The following RAB33A variants were observed in gnomAD, a reference collection of about 807,000 sequenced individuals.
RAB33A encodes RAB33A, member RAS oncogene family, also known as ras-related protein Rab-33A.
Under a neutral mutation model 12.0 loss-of-function variants are expected in RAB33A, and 6 were observed. The ratio of observed to expected loss-of-function variants is 0.50; its 90% CI spans 0.27 to 0.99. The LOEUF (loss-of-function observed/expected upper bound fraction) is 0.99, where lower values mean the gene tolerates loss of function less well. Among genes scored for constraint, RAB33A ranks in the 50% least tolerant of loss-of-function variants. The pLI is 0.11. For missense variants in RAB33A, 109 were observed against 192.0 expected (o/e 0.57, Z 2.55); for synonymous variants, 70 against 82.4 (o/e 0.85, Z 0.81).
At chrX:130,130,998 C>G in the RAB33A span, among the ~76,000 whole-genome samples, 9 of 112,573 alleles carry the variant, frequency 8.0e-5, no homozygotes, top group African/African-American at 2.9e-4. Context: ...GTCTTGCTTT[C>G]TCCTTCTTAA....
intron 1 of RAB33A, among the ~76,000 whole-genome samples, chrX:130,176,595 G>C (rs181451969): frequency 1.2e-4 from 14 of 112,479 alleles, no homozygotes; most frequent in Non-Finnish European, 2.3e-4. Context: ...CCTGCAGTCA[G>C]AATGACATCA....
chrX:130,153,597 T>C, the RAB33A span, among the ~76,000 whole-genome samples: 1 of 110,982 alleles, frequency 9.0e-6, no homozygotes, highest in African/African-American at 3.3e-5. Flanking sequence ...CAATGGGGCA[T>C]TGGGGAGGTG....
the RAB33A span, among the ~76,000 whole-genome samples, chrX:130,124,495 C>T: frequency 1.7e-4 from 19 of 111,758 alleles, no homozygotes; most frequent in African/African-American, 5.9e-4. Context: ...TGGGCTTTCC[C>T]CAACCGAAAC....
chrX:130,153,240 C>T, the RAB33A span, among the ~76,000 whole-genome samples: 1 of 103,187 alleles, frequency 9.7e-6, no homozygotes, highest in Non-Finnish European at 2.0e-5. Context: ...GTCCCAGCTA[C>T]TCCTCGGGAG....
chrX:130,159,658 CTAAA>C, the RAB33A span, among the ~76,000 whole-genome samples: 1 of 109,238 alleles, frequency 9.2e-6, no homozygotes, highest in Non-Finnish European at 1.9e-5. Flanking sequence ...CCAGAAGACC[CTAAA>C]TACAGACATT....
At chrX:130,163,171 G>A in the RAB33A span, among the ~76,000 whole-genome samples, 2 of 109,995 alleles carry the variant, frequency 1.8e-5, no homozygotes, top group African/African-American at 6.6e-5. Flanking sequence ...TTAGCCCGGC[G>A]TGGTGGTGCA....
chrX:130,121,241 T>C, the RAB33A span, among the ~76,000 whole-genome samples: 1 of 108,309 alleles, frequency 9.2e-6, no homozygotes, highest in Non-Finnish European at 1.9e-5. Context: ...TTCTTTTTTT[T>C]CTTTTCTTTT....
At chrX:130,158,594 G>T in the RAB33A span, among the ~76,000 whole-genome samples, 1 of 108,268 alleles carries the variant, frequency 9.2e-6, no homozygotes, top group African/African-American at 3.4e-5. Context: ...AGAACCATCT[G>T]TCTAGAGCAG....
the RAB33A span, chrX:130,129,529 G>A: frequency 2.5e-6 from 3 of 1,193,284 alleles, no homozygotes; most frequent in South Asian, 1.8e-5. Context: ...AGGGGCTGCA[G>A]TGGGTTTGCC....
At chrX:130,135,103 T>C in the RAB33A span, among the ~76,000 whole-genome samples, 1 of 106,709 alleles carries the variant, frequency 9.4e-6, no homozygotes, top group African/African-American at 3.4e-5. Flanking sequence ...TTTTTGAGAC[T>C]GAGTCTTGCT....
chrX:130,134,078 A>C, the RAB33A span, among the ~76,000 whole-genome samples: 1 of 110,440 alleles, frequency 9.1e-6, no homozygotes, highest in Non-Finnish European at 1.9e-5. Context: ...TCTACTAAAA[A>C]TACAAAAAAT....
At chrX:130,129,966 C>T in the RAB33A span, 1 of 1,211,494 alleles carries the variant, frequency 8.3e-7, no homozygotes, top group Non-Finnish European at 1.1e-6. Flanking sequence ...TGACAGGCAC[C>T]TACCTTCCTT....
chrX:130,116,920 C>A, the RAB33A span, among the ~76,000 whole-genome samples: 1 of 112,276 alleles, frequency 8.9e-6, no homozygotes, highest in Non-Finnish European at 1.9e-5. Flanking sequence ...ATCATTAAAA[C>A]AGTTATACAT....
the RAB33A span, among the ~76,000 whole-genome samples, chrX:130,152,712 G>A: frequency 3.6e-3 from 404 of 112,039 alleles, 3 homozygotes; most frequent in African/African-American, 0.013. Flanking sequence ...AGGTCCTAGG[G>A]AAAGTTACCA....
At chrX:130,173,843 G>C (rs1047781367) in intron 1 of RAB33A, among the ~76,000 whole-genome samples, 6 of 112,006 alleles carry the variant, frequency 5.4e-5, no homozygotes, top group Admixed American at 9.5e-5. Context: ...ACATGACTTT[G>C]TAATCCAAAG....
the RAB33A span, chrX:130,140,020 G>A: frequency 1.8e-6 from 1 of 543,015 alleles, no homozygotes; most frequent in South Asian, 2.5e-5. Flanking sequence ...TTTGCCTTCA[G>A]CTTGCCTCAC....
the RAB33A span, among the ~76,000 whole-genome samples, chrX:130,145,820 C>T: frequency 8.9e-6 from 1 of 111,752 alleles, no homozygotes; most frequent in Non-Finnish European, 1.9e-5. Context: ...GTTGTAATAA[C>T]TTGGGTAGGG....
At chrX:130,179,727 CA>C (rs1569426699) in intron 1 of RAB33A, among the ~76,000 whole-genome samples, 1 of 98,274 alleles carries the variant, frequency 1.0e-5, no homozygotes. Flanking sequence ...CCCCTTGGCA[CA>C]TATCTAGGAT....
the RAB33A span, among the ~76,000 whole-genome samples, chrX:130,156,790 T>C: frequency 5.3e-5 from 6 of 112,159 alleles, no homozygotes; most frequent in Non-Finnish European, 1.1e-4. Context: ...CGCTCTTAAG[T>C]TGCTGAAGTT....
Sources: allele counts gnomAD v4.1 joint callset (sites outside exome capture counted in the v4.1 genomes callset), GRCh38; gene constraint gnomAD v4.1.1; transcripts MANE v1.5; gene names NCBI Gene and HGNC (gene_info 2026-07-23, HGNC 2026-07-21).